Variants in ABL1 observed in about 807,000 individuals in gnomAD.
ABL1 encodes the protein tyrosine-protein kinase ABL1.
Under a neutral mutation model 94.7 loss-of-function variants are expected in ABL1, and 11 were observed. The ratio of observed to expected loss-of-function variants is 0.12; its 90% CI spans 0.07 to 0.19. ABL1 has a LOEUF of 0.19. Ranked by LOEUF, ABL1 falls within the 10% of genes least tolerant of loss-of-function variation. ABL1 has a pLI of 1.00. For synonymous variants in ABL1, 656 were observed against 622.4 expected, an observed-to-expected ratio of 1.05 and a Z score of -0.80; for missense variants, 1,082 against 1,489.4, an observed-to-expected ratio of 0.73 and a Z score of 4.50.
At chr9:130,765,250 G>A (rs1832167523) in intron 1 of ABL1, among the ~76,000 whole-genome samples, 1 of 152,092 alleles carries the variant, frequency 6.6e-6, no homozygotes, top group Non-Finnish European at 1.5e-5. Flanking sequence ...TTCTCAAGGG[G>A]TTTTTTCAGA....
chr9:130,806,498 A>T (rs940200924), intron 1 of ABL1, among the ~76,000 whole-genome samples: 4 of 152,172 alleles, frequency 2.6e-5, no homozygotes, highest in Admixed American at 2.0e-4. Flanking sequence ...GGACTTTAAA[A>T]AAAATTGCAT....
In ABL1 at chr9:130,872,054, A is replaced by G. The variant is rs1196320338; in HGVS notation, c.823-75A>G. Reference sequence around the variant, plus strand: ...AGTATGCGCTGAAGCTCCATTTTGCATTAACTAGTCAAGTACTTACCCACT... The same window carrying G: ...AGTATGCGCTGAAGCTCCATTTTGCGTTAACTAGTCAAGTACTTACCCACT... On this transcript the variant is annotated intron_variant, in intron 4 of 10. Transcript: ENST00000318560. This position sits in a 1 kb window ranked among gnomAD's most constrained non-coding sequence, Gnocchi z 5.0. 4.4e-6 allele frequency: 6 copies of G among 1,359,006 alleles called. No homozygotes were observed. In the East Asian group the frequency reaches 1.4e-4, roughly 32 times the overall value. The allele number at this position is 1,359,006 out of a possible 1,614,324, so 84.2% of individuals were successfully genotyped here.
Position 130,862,775 on chromosome 9 carries a change from T to C in ABL1, c.562T>C (p.Ser188Pro). The change falls in exon 4 of 11, where the codon TCC becomes CCC. Residue 188 changes from serine to proline, a missense_variant. Ser to Pro is a moderately conservative substitution (Grantham distance 74, BLOSUM62 -1). Coordinates refer to ENST00000318560, the MANE Select transcript of ABL1 (RefSeq NM_005157.6). This position sits in a 1 kb window ranked among gnomAD's most constrained non-coding sequence, Gnocchi z 5.5. ...CTGTTTCCTTCAGCTCTACGTCTCC[T>C]CCGAGAGCCGCTTCAACACCCTGGC... ...TASDGKLYVS[S>P]ESRFNTLAEL... 1 of 1,613,806 alleles carries C rather than the reference T, an allele frequency of 6.2e-7. No individual in the cohort carries two copies. Among genetic ancestry groups the C allele is most frequent in the Non-Finnish European group, 8.5e-7 (1 of 1,179,928 alleles).
At position 130,884,927 on chromosome 9, in the gene ABL1, G is replaced by A; in HGVS notation, c.2637G>A (p.Lys879=). Reference sequence around the variant, plus strand: ...AGGAGTCCAGAGTGAGGAGGCACAAGCACTCCTCTGAGTCGCCAGGGAGGG... The same window carrying A: ...AGGAGTCCAGAGTGAGGAGGCACAAACACTCCTCTGAGTCGCCAGGGAGGG... The part of the protein sequence containing the change: ...PAEESRVRRH[K]HSSESPGRDK... The change falls in exon 11 of 11, where the codon AAG becomes AAA. Residue 879 remains lysine, a synonymous_variant. Transcript: ENST00000318560. This position sits in a 1 kb window ranked among gnomAD's most constrained non-coding sequence, Gnocchi z 5.6. 1 of 1,611,672 alleles carries A rather than the reference G, an allele frequency of 6.2e-7. No individual in the cohort carries two copies. The highest frequency in any genetic ancestry group is 8.5e-7 in the Non-Finnish European group (1 of 1,179,640).
At position 130,880,163 on chromosome 9, in the gene ABL1, G is replaced by T. The variant is rs34603024; in HGVS notation, c.1513+6G>T. On this transcript the variant is annotated splice_donor_region_variant and intron_variant, in intron 9 of 10. Transcript: ENST00000318560. The surrounding 1 kb of genome is among the most constrained non-coding windows in gnomAD (Gnocchi z 4.4). ...GGAATCCAGTATCTCAGACGGTAAA[G>T]TACCCATCCCGGGGTACCTGCAGTG... The T allele has an allele frequency of 1.3e-5, 21 of 1,613,856 alleles. No individual in the cohort carries two copies. In the East Asian group the frequency reaches 4.5e-4, roughly 34 times the overall value.
At chr9:130,756,480 A>G (rs56748567) in intron 1 of ABL1, among the ~76,000 whole-genome samples, 4,634 of 152,178 alleles carry the variant, frequency 0.03, 234 homozygotes, top group African/African-American at 0.11. Context: ...ATACAGCAAA[A>G]TTGGTGCCTT....
intron 1 of ABL1, among the ~76,000 whole-genome samples, chr9:130,740,559 A>T (rs771555860): frequency 1.1e-4 from 16 of 152,120 alleles, no homozygotes; most frequent in Non-Finnish European, 1.6e-4. Flanking sequence ...TTATTATCTC[A>T]CCACCTTATT....
chr9:130,751,483 T>C (rs1831966487), intron 1 of ABL1, among the ~76,000 whole-genome samples: 1 of 152,058 alleles, frequency 6.6e-6, no homozygotes, highest in African/African-American at 2.4e-5. Context: ...ATTATAGATA[T>C]TATATAGCTA....
intron 1 of ABL1, among the ~76,000 whole-genome samples, chr9:130,778,322 T>C (rs1190032604): frequency 1.3e-5 from 2 of 151,214 alleles, no homozygotes; most frequent in Non-Finnish European, 2.9e-5. Context: ...CATTAGTACT[T>C]TCTAGACTGT....
intron 1 of ABL1, among the ~76,000 whole-genome samples, chr9:130,752,485 G>T (rs1050571059): frequency 5.3e-5 from 8 of 152,130 alleles, no homozygotes; most frequent in Non-Finnish European, 1.2e-4. Context: ...TGCTATGAGG[G>T]TGAAGTATAG....
intron 3 of ABL1, among the ~76,000 whole-genome samples, chr9:130,859,885 T>C (rs1010019903): frequency 2.0e-5 from 3 of 152,012 alleles, no homozygotes; most frequent in Non-Finnish European, 4.4e-5. Flanking sequence ...TTCACCATGT[T>C]GGCCAGGCTG....
At chr9:130,772,485 CAT>C (rs958348149) in intron 1 of ABL1, among the ~76,000 whole-genome samples, 8 of 152,116 alleles carry the variant, frequency 5.3e-5, no homozygotes, top group East Asian at 3.9e-4. Flanking sequence ...TAGTAATAGA[CAT>C]GTGAAGAATT....
At chr9:130,728,338 G>A (rs575581659) in intron 1 of ABL1, among the ~76,000 whole-genome samples, 3 of 147,844 alleles carry the variant, frequency 2.0e-5, no homozygotes, top group Admixed American at 1.4e-4. Context: ...AAAGTGCTGG[G>A]ATTACAGGTG....
chr9:130,817,891 G>A (rs1157062234), intron 1 of ABL1, among the ~76,000 whole-genome samples: 2 of 152,138 alleles, frequency 1.3e-5, no homozygotes, highest in Non-Finnish European at 2.9e-5. Context: ...TATGAATAAA[G>A]CCACTGTAAG....
intron 1 of ABL1, among the ~76,000 whole-genome samples, chr9:130,851,053 A>G (rs1319457130): frequency 6.6e-6 from 1 of 151,874 alleles, no homozygotes; most frequent in Admixed American, 6.6e-5. Context: ...CCTCCCGAGT[A>G]GCTGGGACTA....
chr9:130,833,630 C>G (rs1830520779), upstream of ABL1, among the ~76,000 whole-genome samples: 1 of 152,208 alleles, frequency 6.6e-6, no homozygotes, highest in African/African-American at 2.4e-5. Context: ...TACCACGACT[C>G]TAGCAGTAGG....
At chr9:130,799,334 C>G (rs1383152017) in intron 1 of ABL1, among the ~76,000 whole-genome samples, 1 of 152,164 alleles carries the variant, frequency 6.6e-6, no homozygotes. Flanking sequence ...TGATGGGTTA[C>G]AGGTGCATCG....
At chr9:130,739,219 G>A (rs1442646635) in intron 1 of ABL1, among the ~76,000 whole-genome samples, 1 of 152,162 alleles carries the variant, frequency 6.6e-6, no homozygotes, top group Non-Finnish European at 1.5e-5. Context: ...TAGGCAAGCA[G>A]TGCTTATGTT....
At chr9:130,742,107 C>G (rs1831827813) in intron 1 of ABL1, among the ~76,000 whole-genome samples, 1 of 152,084 alleles carries the variant, frequency 6.6e-6, no homozygotes, top group Non-Finnish European at 1.5e-5. Flanking sequence ...AGTCGTCAGC[C>G]CACCGAGTCA....
Sources: allele counts gnomAD v4.1 joint callset (sites outside exome capture counted in the v4.1 genomes callset), GRCh38; gene constraint gnomAD v4.1.1; non-coding constraint Gnocchi (gnomAD v3.1); transcripts MANE v1.5; gene names NCBI Gene and HGNC (gene_info 2026-07-23, HGNC 2026-07-21).